CLEC2D: variants seen among roughly 807,000 people sequenced by gnomAD.
CLEC2D encodes the protein C-type lectin related f.
Under a neutral mutation model 20.0 loss-of-function variants are expected in CLEC2D, and 16 were observed. That is an observed-to-expected ratio of 0.80 (90% CI 0.54 to 1.22). CLEC2D has a LOEUF of 1.22. Among genes scored for constraint, CLEC2D ranks in the 50% most tolerant of loss-of-function variants. The pLI is 0.00. For missense variants in CLEC2D, 207 were observed against 221.5 expected, an observed-to-expected ratio of 0.93 and a Z score of 0.42; for synonymous variants, 77 against 71.1, an observed-to-expected ratio of 1.08 and a Z score of -0.42.
At chr12:9,692,361 A>G (rs148923990) in intron 3 of CLEC2D, among the ~76,000 whole-genome samples, 2,075 of 152,070 alleles carry the variant, frequency 0.014, 33 homozygotes, top group African/African-American at 0.041. Context: ...CCTAGTCTCA[A>G]ACTCTTGGCC....
intron 2 of CLEC2D, 75 bp downstream of exon 2, chr12:9,681,108 T>C: frequency 1.2e-6 from 1 of 831,390 alleles, no homozygotes; most frequent in Non-Finnish European, 1.9e-6. Context: ...CTGAATAATT[T>C]TGTTATTCTT....
At chr12:9,679,411 T>C (rs1222032280) in intron 1 of CLEC2D, among the ~76,000 whole-genome samples, 3 of 152,186 alleles carry the variant, frequency 2.0e-5, no homozygotes, top group African/African-American at 7.2e-5. Context: ...AAATAGTGGT[T>C]GTTTCTCATT....
chr12:9,684,676 A>G (rs977185353), intron 2 of CLEC2D, among the ~76,000 whole-genome samples: 1 of 152,036 alleles, frequency 6.6e-6, no homozygotes. Flanking sequence ...TATGTAATGG[A>G]TTACATTTAT....
intron 3 of CLEC2D, among the ~76,000 whole-genome samples, chr12:9,689,936 A>T (rs1404868963): frequency 4.6e-5 from 7 of 152,140 alleles, no homozygotes; most frequent in African/African-American, 1.7e-4. Context: ...AGAGAAGCAG[A>T]GAAATACACT....
chr12:9,671,265 C>A (rs775799491), intron 1 of CLEC2D, among the ~76,000 whole-genome samples: 4 of 152,306 alleles, frequency 2.6e-5, no homozygotes, highest in African/African-American at 9.6e-5. Flanking sequence ...ACTCTGTCCC[C>A]CAGGCTGGAG....
At chr12:9,672,765 C>T (rs1372790933) in intron 1 of CLEC2D, among the ~76,000 whole-genome samples, 2 of 151,996 alleles carry the variant, frequency 1.3e-5, no homozygotes, top group African/African-American at 4.8e-5. Context: ...CATTTCTTTT[C>T]ATTCTTTTTT....
At chr12:9,682,982 A>G (rs1028884228) in intron 2 of CLEC2D, among the ~76,000 whole-genome samples, 1 of 152,130 alleles carries the variant, frequency 6.6e-6, no homozygotes. Context: ...AAGTGTTCCT[A>G]TTTCTCTACA....
chr12:9,669,752 T>C lies in CLEC2D; in HGVS notation c.18T>C (p.Asn6=). 1 of 1,613,724 alleles carries C rather than the reference T, an allele frequency of 6.2e-7. No homozygotes were observed. Among genetic ancestry groups the C allele is most frequent in the Non-Finnish European group, 8.5e-7 (1 of 1,179,762 alleles). The part of the protein sequence containing the change: MHDSN[N]VEKDITPSEL... The stretch of plus-strand genomic sequence containing the variant: ...GAGGCAAAATGCATGACAGTAACAA[T>C]GTGGAGAAAGACATTACACCATCTG... Residue 6 remains asparagine (N), a synonymous_variant, in exon 1 of 5, where the codon AAT becomes AAC. Coordinates refer to ENST00000290855, the MANE Select transcript of CLEC2D (RefSeq NM_013269.6).
chr12:9,682,679 C>T (rs1270582585), intron 2 of CLEC2D, among the ~76,000 whole-genome samples: 1 of 152,130 alleles, frequency 6.6e-6, no homozygotes, highest in Non-Finnish European at 1.5e-5. Flanking sequence ...TCATTTGTCT[C>T]CCTGCAAAGA....
chr12:9,698,186 AAACT>A lies in CLEC2D; in HGVS notation c.*3316_*3319del, dbSNP rs1430143932. The A allele has an allele frequency of 7.9e-5, 12 of 152,268 alleles. No homozygotes were observed. Among genetic ancestry groups the A allele is most frequent in the East Asian group, 5.8e-4 (3 of 5,188 alleles). 9.4% of individuals were successfully genotyped at this position (152,268 alleles called of 1,614,324 possible). On this transcript the variant is annotated 3_prime_UTR_variant, in exon 5 of 5. Coordinates refer to ENST00000290855, the MANE Select transcript of CLEC2D (RefSeq NM_013269.6). Reference sequence around the variant, plus strand: ...GTGTACACTATGGAATGATTAAATCAAACTAACATTTCATCATCTCACATACTTA... The same window carrying A: ...GTGTACACTATGGAATGATTAAATCAAACATTTCATCATCTCACATACTTA...
In CLEC2D at chr12:9,695,877, T is replaced by A. The variant is rs111382828; in HGVS notation, c.*1003T>A. On this transcript the variant is annotated 3_prime_UTR_variant, in exon 5 of 5. Coordinates refer to ENST00000290855, the MANE Select transcript of CLEC2D (RefSeq NM_013269.6). ...CTGCTGATGATGATGATGATGAAGATGATGATGATGATGATGACGAGGAAG... is the reference window on the plus strand; with the variant it reads ...CTGCTGATGATGATGATGATGAAGAAGATGATGATGATGATGACGAGGAAG... The A allele has an allele frequency of 6.0e-4, 536 of 898,034 alleles. No individual in the cohort carries two copies. Among genetic ancestry groups the A allele is most frequent in the Non-Finnish European group, 7.1e-4 (413 of 581,482 alleles). 55.6% of individuals were successfully genotyped at this position (898,034 alleles called of 1,614,324 possible). A position where few individuals can be genotyped will look rare whatever the true frequency, so the allele number is the denominator to read the frequency against.
rs748648354 is a variant in CLEC2D, at chr12:9,689,049, A to G, written c.357+963A>G. Among the ~76,000 whole-genome samples the G allele has an allele frequency of 5.3e-5, 8 of 152,320 alleles. No individual in the cohort carries two copies. The South Asian group carries it at 1.2e-3, about 24-fold the overall frequency. Reference sequence around the variant, plus strand: ...TGAATTCCTGCAGCCAGGGTGAACAATAAGCACCTTTTTGTCCAAATGTCA... The same window carrying G: ...TGAATTCCTGCAGCCAGGGTGAACAGTAAGCACCTTTTTGTCCAAATGTCA... On this transcript the variant is annotated intron_variant, in intron 3 of 4. Transcript: ENST00000290855.
At chr12:9,681,245 T>G (rs1865629097) in intron 2 of CLEC2D, among the ~76,000 whole-genome samples, 1 of 152,088 alleles carries the variant, frequency 6.6e-6, no homozygotes, top group African/African-American at 2.4e-5. Context: ...ATCAGAGTCT[T>G]CAGAAGGTAG....
chr12:9,695,613 A>G lies in CLEC2D; in HGVS notation c.*739A>G. 1 of 1,555,784 alleles carries G rather than the reference A, an allele frequency of 6.4e-7. No individual in the cohort carries two copies. Among genetic ancestry groups the G allele is most frequent in the Non-Finnish European group, 8.8e-7 (1 of 1,141,354 alleles). On this transcript the variant is annotated 3_prime_UTR_variant, in exon 5 of 5. Coordinates refer to ENST00000290855, the MANE Select transcript of CLEC2D (RefSeq NM_013269.6). The stretch of plus-strand genomic sequence containing the variant: ...GCAGTCCAATTAAAGTAACACTGGC[A>G]ACTTTGAAAATGTCTGTACAGCCAA...
chr12:9,695,704 C>T lies in CLEC2D; in HGVS notation c.*830C>T, dbSNP rs1247790751. ...CTTAAGGTTGAAGTGTGGTTCAGGG[C>T]CAGTGCATATTAGTGGACAGCACTT... On this transcript the variant is annotated 3_prime_UTR_variant, in exon 5 of 5. Coordinates refer to ENST00000290855, the MANE Select transcript of CLEC2D (RefSeq NM_013269.6). 22 of 1,562,902 alleles carry T rather than the reference C, an allele frequency of 1.4e-5. No homozygotes were observed. Among genetic ancestry groups the T allele is most frequent in the Non-Finnish European group, 1.9e-5 (22 of 1,143,516 alleles).
chr12:9,688,821 A>T (rs1463066109), intron 3 of CLEC2D, among the ~76,000 whole-genome samples: 1 of 152,232 alleles, frequency 6.6e-6, no homozygotes, highest in East Asian at 1.9e-4. Flanking sequence ...AAAACTATTG[A>T]ACTGTCAAAA....
In CLEC2D at chr12:9,699,419, T is replaced by G. The variant is rs746380866; in HGVS notation, c.*4545T>G. 6.6e-6 allele frequency: 1 copy of G among 152,200 alleles called. No individual in the cohort carries two copies. The highest frequency in any genetic ancestry group is 2.4e-5 in the African/African-American group (1 of 41,448). The allele number at this position is 152,200 out of a possible 1,614,324, so 9.4% of individuals were successfully genotyped here. A position where few individuals can be genotyped will look rare whatever the true frequency, so the allele number is the denominator to read the frequency against. On this transcript the variant is annotated 3_prime_UTR_variant, in exon 5 of 5. Coordinates refer to ENST00000290855, the MANE Select transcript of CLEC2D (RefSeq NM_013269.6). ...CTTAATTGAAATGTTTACTTTTCAG[T>G]AAAATTTCAAGCTTGAGTAATGTTC...
chr12:9,685,554 A>G (rs1408875724), intron 2 of CLEC2D, among the ~76,000 whole-genome samples: 1 of 152,210 alleles, frequency 6.6e-6, no homozygotes, highest in Non-Finnish European at 1.5e-5. Context: ...GGAGGAATCT[A>G]GAGAGGCAGT....
chr12:9,692,691 C>A (rs1865893565), intron 3 of CLEC2D, 137 bp from the exon 4 acceptor site: 4 of 590,716 alleles, frequency 6.8e-6, no homozygotes, highest in Non-Finnish European at 1.2e-5. Context: ...CACACCTATT[C>A]TGTATGTATT....
Sources: gnomAD v4.1 joint callset for allele counts (sites outside exome capture counted in the v4.1 genomes callset) on GRCh38, gnomAD v4.1.1 for gene constraint, MANE v1.5 for transcripts, NCBI Gene and HGNC (gene_info 2026-07-23, HGNC 2026-07-21) for gene names.